Variants in RBL1 observed in about 807,000 individuals in gnomAD.
RBL1 encodes retinoblastoma-like protein 1.
Under a neutral mutation model 123.0 loss-of-function variants are expected in RBL1, and 82 were observed. The observed-to-expected ratio is 0.67, with a 90% CI of 0.56 to 0.80. The LOEUF (loss-of-function observed/expected upper bound fraction) is 0.80, where lower values mean the gene tolerates loss of function less well. RBL1 is among the 30% of genes least tolerant of loss of function. The pLI is 0.00. For synonymous variants in RBL1, 405 were observed against 441.3 expected (o/e 0.92, Z 1.03); for missense variants, 1,171 against 1,299.6 (o/e 0.90, Z 1.52).
intron 21 of RBL1, among the ~76,000 whole-genome samples, chr20:37,001,020 AG>A: frequency 8.1e-6 from 1 of 123,396 alleles, no homozygotes; most frequent in Admixed American, 8.2e-5. Flanking sequence ...TCCGGGAGGG[AG>A]GTGGGGGGGG....
intron 19 of RBL1, among the ~76,000 whole-genome samples, chr20:37,016,629 T>C (rs1275723200): frequency 3.9e-5 from 6 of 152,062 alleles, no homozygotes; most frequent in Non-Finnish European, 7.4e-5. Context: ...GAGCTGTGCA[T>C]AATTAGAAGC....
chr20:37,082,378 T>C (rs371881729), intron 2 of RBL1, among the ~76,000 whole-genome samples: 56 of 152,248 alleles, frequency 3.7e-4, no homozygotes, highest in African/African-American at 9.9e-4. Context: ...GTGGTGTTGG[T>C]TGAACAATGT....
At chr20:37,029,802 A>G (rs1292030054) in intron 16 of RBL1, among the ~76,000 whole-genome samples, 1 of 152,248 alleles carries the variant, frequency 6.6e-6, no homozygotes, top group Non-Finnish European at 1.5e-5. Flanking sequence ...AACAATCTAA[A>G]AAATGAAATT....
chr20:37,010,521 T>C (rs2064133786), intron 19 of RBL1, among the ~76,000 whole-genome samples: 1 of 152,212 alleles, frequency 6.6e-6, no homozygotes, highest in South Asian at 2.1e-4. Flanking sequence ...CTAGATTGTA[T>C]GGCCAACTAC....
intron 19 of RBL1, among the ~76,000 whole-genome samples, chr20:37,012,009 C>T (rs137971036): frequency 0.029 from 4,346 of 152,282 alleles, 149 homozygotes; most frequent in African/African-American, 0.081. Context: ...ATTGCAGGCG[C>T]GCGCTGTCAC....
At chr20:37,023,559 TA>T (rs1185907341) in intron 16 of RBL1, among the ~76,000 whole-genome samples, 1 of 151,678 alleles carries the variant, frequency 6.6e-6, no homozygotes, top group African/African-American at 2.4e-5. Flanking sequence ...CAAAACCATT[TA>T]AAAAATTGCT....
chr20:37,079,238 C>T (rs886447069), intron 2 of RBL1, among the ~76,000 whole-genome samples: 1 of 144,220 alleles, frequency 6.9e-6, no homozygotes, highest in East Asian at 2.1e-4. Context: ...AATGCCATAA[C>T]AGCAGTGTAG....
intron 2 of RBL1, among the ~76,000 whole-genome samples, chr20:37,069,607 G>T (rs1243021711): frequency 6.7e-6 from 1 of 149,392 alleles, no homozygotes; most frequent in Non-Finnish European, 1.5e-5. Context: ...CCCGGCAACC[G>T]CCCCGTCTGA....
intron 2 of RBL1, among the ~76,000 whole-genome samples, chr20:37,079,249 A>G (rs6031238): frequency 0.01 from 1,534 of 151,676 alleles, 26 homozygotes; most frequent in African/African-American, 0.035. Context: ...AGCAGTGTAG[A>G]CAAAAAATAA....
chr20:37,041,575 G>C (rs1482602152), intron 13 of RBL1, among the ~76,000 whole-genome samples: 1 of 152,044 alleles, frequency 6.6e-6, no homozygotes, highest in Non-Finnish European at 1.5e-5. Context: ...CACTTGCCTT[G>C]GCCTCCCAAA....
chr20:37,011,956 G>A (rs113902706), intron 19 of RBL1, among the ~76,000 whole-genome samples: 1 of 152,060 alleles, frequency 6.6e-6, no homozygotes, highest in African/African-American at 2.4e-5. Flanking sequence ...CTGCCATCTC[G>A]GCTCACTGCA....
chr20:36,999,234 G>C (rs1182576617), intron 21 of RBL1, among the ~76,000 whole-genome samples: 3 of 151,744 alleles, frequency 2.0e-5, no homozygotes, highest in African/African-American at 7.3e-5. Context: ...TGGCAAACCT[G>C]GTCTCTACAA....
Position 37,004,764 on chromosome 20 carries a change from A to G in RBL1, c.2872-898T>C, listed in dbSNP as rs1268240087. On this transcript the variant is annotated intron_variant, in intron 20 of 21. Transcript: ENST00000373664. ...ATTCTGGGGCCGGGTGCAGTGGCTCACTCCTATAATCCCAGCACTTTGGGA... is the reference window on the plus strand; with the variant it reads ...ATTCTGGGGCCGGGTGCAGTGGCTCGCTCCTATAATCCCAGCACTTTGGGA... 4.1e-5 allele frequency among the ~76,000 whole-genome samples: 6 copies of G among 147,224 alleles called. No homozygotes were observed. The East Asian group carries it at 1.2e-3, about 29-fold the overall frequency.
chr20:37,042,090 AAG>A (rs2064738588), intron 13 of RBL1, among the ~76,000 whole-genome samples: 1 of 151,602 alleles, frequency 6.6e-6, no homozygotes, highest in Non-Finnish European at 1.5e-5. Flanking sequence ...AAAAAAAAAA[AAG>A]AAAGTGAAAA....
In RBL1 at chr20:37,075,765, A is replaced by C. The variant is rs536867251; in HGVS notation, c.291-7579T>G. Among the ~76,000 whole-genome samples, 10 of 152,214 alleles carry C rather than the reference A, an allele frequency of 6.6e-5. No homozygotes were observed. The South Asian group carries it at 1.9e-3, about 28-fold the overall frequency. On this transcript the variant is annotated intron_variant, in intron 2 of 21. Coordinates refer to ENST00000373664, the MANE Select transcript of RBL1 (RefSeq NM_002895.5). The stretch of plus-strand genomic sequence containing the variant: ...GCCACTGCACCGGCCTAATTTGTTC[A>C]CTTTTCTAGAGGCAATTTGGCAACA...
At position 36,998,925 on chromosome 20, in the gene RBL1, A is replaced by G. The variant is rs777044505; in HGVS notation, c.3041T>C (p.Leu1014Ser). The G allele has an allele frequency of 6.2e-7, 1 of 1,610,972 alleles. No individual in the cohort carries two copies. The highest frequency in any genetic ancestry group is 8.5e-7 in the Non-Finnish European group (1 of 1,178,756). ...YKFNGSPSKSLKDINNMIRQG... is the reference protein window; with the variant it reads ...YKFNGSPSKSSKDINNMIRQG... ...CCTTATCATGTTGTTGATATCTTTCAAACTCTGTGCAGAAATAGAGAACGT... is the reference window on the plus strand; with the variant it reads ...CCTTATCATGTTGTTGATATCTTTCGAACTCTGTGCAGAAATAGAGAACGT... Residue 1014 changes from leucine (L) to serine (S), a missense_variant, in exon 22 of 22, where the codon TTG becomes TCG. Coordinates refer to ENST00000373664, the MANE Select transcript of RBL1 (RefSeq NM_002895.5).
intron 12 of RBL1, among the ~76,000 whole-genome samples, chr20:37,045,444 C>G (rs1373995433): frequency 1.3e-5 from 2 of 151,110 alleles, no homozygotes; most frequent in Non-Finnish European, 2.9e-5. Context: ...GAGCACATAT[C>G]ATTTATGTCA....
chr20:37,094,652 G>GT (rs929134894), intron 1 of RBL1, among the ~76,000 whole-genome samples: 25 of 152,212 alleles, frequency 1.6e-4, no homozygotes, highest in African/African-American at 6.0e-4. Flanking sequence ...TTCTTTCTCT[G>GT]TTTTTAGATA....
At chr20:37,064,395 G>A (rs1048354863) in intron 7 of RBL1, among the ~76,000 whole-genome samples, 17 of 151,504 alleles carry the variant, frequency 1.1e-4, no homozygotes, top group African/African-American at 2.2e-4. Context: ...CTTGGCCTCC[G>A]AAAGTGCTGG....
Sources: gnomAD v4.1 joint callset for allele counts (sites outside exome capture counted in the v4.1 genomes callset) on GRCh38, gnomAD v4.1.1 for gene constraint, MANE v1.5 for transcripts, NCBI Gene and HGNC (gene_info 2026-07-23, HGNC 2026-07-21) for gene names.